The following GRM4 variants were observed in gnomAD, a reference collection of about 807,000 sequenced individuals.
The protein encoded by GRM4 is glutamate metabotropic receptor 4.
Under a neutral mutation model 81.7 loss-of-function variants are expected in GRM4, and 28 were observed. The observed-to-expected ratio is 0.34, with a 90% CI of 0.25 to 0.47. GRM4 has a LOEUF of 0.47. Ranked by LOEUF, GRM4 falls within the 20% of genes least tolerant of loss-of-function variation. GRM4 has a pLI of 1.00. For missense variants in GRM4, 948 were observed against 1,290.0 expected, an observed-to-expected ratio of 0.73 and a Z score of 4.06; for synonymous variants, 488 against 528.8, an observed-to-expected ratio of 0.92 and a Z score of 1.06.
chr6:34,024,932 T>C (rs1461765540), intron 10 of GRM4, among the ~76,000 whole-genome samples: 2 of 152,170 alleles, frequency 1.3e-5, no homozygotes, highest in Admixed American at 1.3e-4. Context: ...GGGTGCTGGA[T>C]GACCAAGAGG....
Position 34,111,846 on chromosome 6 carries a change from C to A in GRM4, c.520-19747G>T, listed in dbSNP as rs1561819855. On this transcript the variant is annotated intron_variant, in intron 2 of 10. Transcript: ENST00000538487. This position sits in a 1 kb window ranked among gnomAD's most constrained non-coding sequence, Gnocchi z 5.1. ...CCCCTCTCCTCAGTCACCAGCCTGC[C>A]CAGGAATTGGCACTGCTTGGGGGAG... is the stretch of plus-strand genomic sequence containing the variant. Among the ~76,000 whole-genome samples the A allele has an allele frequency of 6.6e-6, 1 of 152,118 alleles. No individual in the cohort carries two copies. The highest frequency in any genetic ancestry group is 1.5e-5 in the Non-Finnish European group (1 of 68,004).
intron 7 of GRM4, 64 bp downstream of exon 7, chr6:34,040,484 G>T (rs937767805): frequency 2.0e-6 from 3 of 1,494,582 alleles, no homozygotes; most frequent in African/African-American, 2.8e-5. Flanking sequence ...GAGCCTAAGG[G>T]CCCCTCCCCT....
rs1766788070 is a variant in GRM4 at position 34,070,830 on chromosome 6, A to G, written c.737-8802T>C. On this transcript the variant is annotated intron_variant, in intron 3 of 10. Transcript: ENST00000538487. This position sits in a 1 kb window ranked among gnomAD's most constrained non-coding sequence, Gnocchi z 4.6. ...CACACACACACACACGGCAATGCAC[A>G]CCCTTACAAAATCACATACTACACA... Among the ~76,000 whole-genome samples, 2 of 134,122 alleles carry G rather than the reference A, an allele frequency of 1.5e-5. No homozygotes were observed. Among genetic ancestry groups the G allele is most frequent in the Admixed American group, 7.5e-5 (1 of 13,334 alleles). The allele number at this position is 134,122 out of a possible 152,430, so 88.0% of individuals were successfully genotyped here.
At chr6:34,091,512 C>T (rs992721149) in intron 3 of GRM4, 4 of 229,844 alleles carry the variant, frequency 1.7e-5, no homozygotes, top group Admixed American at 1.1e-4. Context: ...GAGAGCCTGC[C>T]TGGCTGTCCG....
chr6:34,148,129 T>A (rs531276870), upstream of GRM4, among the ~76,000 whole-genome samples: 8 of 150,154 alleles, frequency 5.3e-5, no homozygotes, highest in African/African-American at 2.0e-4. Context: ...CACTGTTGGC[T>A]GGCAGATGGC....
chr6:34,084,951 G>A (rs1767808927), intron 3 of GRM4, among the ~76,000 whole-genome samples: 1 of 152,112 alleles, frequency 6.6e-6, no homozygotes, highest in Non-Finnish European at 1.5e-5. Context: ...TACTTATTCA[G>A]GCGGGCTCTG....
rs546218248 is a variant in GRM4 at position 34,072,514 on chromosome 6, ACAT to A, written c.737-10489_737-10487del. ...TCACACAGATACAAACCACACACAC[ACAT>A]CACCACATAGATACCCCACACACAG... On this transcript the variant is annotated intron_variant, in intron 3 of 10. Transcript: ENST00000538487. Among the ~76,000 whole-genome samples, 7 of 152,090 alleles carry A rather than the reference ACAT, an allele frequency of 4.6e-5. No homozygotes were observed. In the East Asian group the frequency reaches 1.2e-3, roughly 25 times the overall value.
intron 2 of GRM4, among the ~76,000 whole-genome samples, chr6:34,119,525 C>G (rs1205088448): frequency 6.6e-6 from 1 of 152,224 alleles, no homozygotes; most frequent in Non-Finnish European, 1.5e-5. Context: ...GGCACCACGG[C>G]ACCAGCCCTG....
upstream of GRM4, among the ~76,000 whole-genome samples, chr6:34,150,677 C>A (rs1385371298): frequency 6.6e-6 from 1 of 151,966 alleles, no homozygotes; most frequent in Non-Finnish European, 1.5e-5. Flanking sequence ...GCTTCCACTT[C>A]CCTTCCCCAG....
At position 34,036,075 on chromosome 6, in the gene GRM4, G is replaced by A. The variant is rs1424965690; in HGVS notation, c.2035C>T (p.Arg679Cys). 3.7e-6 allele frequency: 6 copies of A among 1,614,076 alleles called. No homozygotes were observed. The highest frequency in any genetic ancestry group is 2.5e-6 in the Non-Finnish European group (3 of 1,180,044). The change falls in exon 9 of 11, where the codon CGC becomes TGC. Residue 679 changes from arginine to cysteine, a missense_variant. Transcript: ENST00000538487. This position sits in a 1 kb window ranked among gnomAD's most constrained non-coding sequence, Gnocchi z 9.0. ...ALLTKTNRIY[R>C]IFEQGKRSVS... ...GAGCGCTTGCCCTGCTCGAAGATGC[G>A]GTAGATGCGGTTGGTCTTGGTGAGC...
At chr6:34,029,015 G>T (rs1259160076) in intron 9 of GRM4, among the ~76,000 whole-genome samples, 8 of 152,236 alleles carry the variant, frequency 5.3e-5, no homozygotes, top group Non-Finnish European at 1.0e-4. Flanking sequence ...TTAGCAAAAT[G>T]AAAGCCCATT....
At chr6:34,109,765 G>A (rs1769288651) in intron 2 of GRM4, among the ~76,000 whole-genome samples, 1 of 152,100 alleles carries the variant, frequency 6.6e-6, no homozygotes, top group African/African-American at 2.4e-5. Flanking sequence ...ACTTCACACG[G>A]TAGTCAATTC....
intron 3 of GRM4, among the ~76,000 whole-genome samples, chr6:34,088,116 G>A (rs943253438): frequency 1.3e-5 from 2 of 151,954 alleles, no homozygotes; most frequent in African/African-American, 4.8e-5. Flanking sequence ...TATGTGCCAG[G>A]AGCACGTTTC....
At chr6:34,126,904 G>A (rs1384336929) in intron 2 of GRM4, among the ~76,000 whole-genome samples, 3 of 152,240 alleles carry the variant, frequency 2.0e-5, no homozygotes, top group Admixed American at 6.5e-5. Context: ...TTCTGTGCTT[G>A]TAGCTTGACA....
Position 34,114,878 on chromosome 6 carries a change from AC to A in GRM4, c.519+18099del, listed in dbSNP as rs1471191228. On this transcript the variant is annotated intron_variant, in intron 2 of 10. Transcript: ENST00000538487. This position sits in a 1 kb window ranked among gnomAD's most constrained non-coding sequence, Gnocchi z 4.3. Reference sequence around the variant, plus strand: ...CTCGGCAATCCTGCCCATCCCCACCACCTGCTCCAGTATCTTGCACAAACTT... The same window carrying A: ...CTCGGCAATCCTGCCCATCCCCACCACTGCTCCAGTATCTTGCACAAACTT... Among the ~76,000 whole-genome samples the A allele has an allele frequency of 6.6e-6, 1 of 151,940 alleles. No individual in the cohort carries two copies. The highest frequency in any genetic ancestry group is 1.5e-5 in the Non-Finnish European group (1 of 67,988).
intron 6 of GRM4, among the ~76,000 whole-genome samples, chr6:34,050,167 C>T (rs905605437): frequency 4.5e-4 from 69 of 152,182 alleles, no homozygotes; most frequent in African/African-American, 1.6e-3. Flanking sequence ...AGGCATGAGC[C>T]CACCCCAGGG....
In GRM4 at chr6:34,059,612, T is replaced by C; in HGVS notation, c.873-484A>G. 1 of 168,436 alleles carries C rather than the reference T, an allele frequency of 5.9e-6. No individual in the cohort carries two copies. The highest frequency in any genetic ancestry group is 1.3e-5 in the Non-Finnish European group (1 of 77,756). 10.4% of individuals were successfully genotyped at this position (168,436 alleles called of 1,614,324 possible). A position where few individuals can be genotyped will look rare whatever the true frequency, so the allele number is the denominator to read the frequency against. ...GCACATGCTGCCTTCTGCCCACAGC[T>C]CCCTCTTCATTCACCGCCCTCTGTG... On this transcript the variant is annotated intron_variant, in intron 4 of 10. Coordinates refer to ENST00000538487, the MANE Select transcript of GRM4 (RefSeq NM_000841.4). This position sits in a 1 kb window ranked among gnomAD's most constrained non-coding sequence, Gnocchi z 5.7.
At chr6:34,150,021 G>A (rs1421266397), upstream of GRM4, among the ~76,000 whole-genome samples, 1 of 152,082 alleles carries the variant, frequency 6.6e-6, no homozygotes, top group Non-Finnish European at 1.5e-5. Context: ...GCCTCCTGGG[G>A]GTATTGCATA....
intron 2 of GRM4, among the ~76,000 whole-genome samples, chr6:34,104,387 G>C (rs1048501238): frequency 2.6e-5 from 4 of 152,230 alleles, no homozygotes; most frequent in Non-Finnish European, 4.4e-5. Context: ...ACTGGTGGCT[G>C]TTGGCTAACG....
Sources: allele counts gnomAD v4.1 joint callset (sites outside exome capture counted in the v4.1 genomes callset), GRCh38; gene constraint gnomAD v4.1.1; non-coding constraint Gnocchi (gnomAD v3.1); transcripts MANE v1.5; gene names NCBI Gene and HGNC (gene_info 2026-07-23, HGNC 2026-07-21).